The following TCF25 variants were observed in gnomAD, a reference collection of about 807,000 sequenced individuals.
TCF25 encodes TCF25 ribosome quality control complex subunit, also known as ribosome quality control complex subunit TCF25.
Under a neutral mutation model 83.1 loss-of-function variants are expected in TCF25, and 41 were observed. The observed-to-expected ratio is 0.49, with a 90% CI of 0.38 to 0.64. The LOEUF (loss-of-function observed/expected upper bound fraction) is 0.64, where lower values mean the gene tolerates loss of function less well. TCF25 is among the 30% of genes least tolerant of loss of function. TCF25 has a pLI of 0.00. For synonymous variants in TCF25, 458 were observed against 365.0 expected, an observed-to-expected ratio of 1.25 and a Z score of -2.90; for missense variants, 979 against 914.5, an observed-to-expected ratio of 1.07 and a Z score of -0.91.
At chr16:89,906,323 C>T (rs199836069) in intron 15 of TCF25, 39 bp downstream of exon 15, 286 of 1,594,796 alleles carry the variant, frequency 1.8e-4, no homozygotes, top group East Asian at 5.8e-4. Flanking sequence ...CTGTGTAAGC[C>T]GGTCACATGC....
In TCF25 at chr16:89,900,677, G is replaced by C; in HGVS notation, c.1264G>C (p.Val422Leu). 1 of 1,603,126 alleles carries C rather than the reference G, an allele frequency of 6.2e-7. No individual in the cohort carries two copies. The highest frequency in any genetic ancestry group is 1.1e-5 in the South Asian group (1 of 90,800). The change falls in exon 12 of 18, where the codon GTT becomes CTT. Residue 422 changes from valine (V) to leucine (L), a missense_variant. Val to Leu is a conservative substitution (Grantham distance 32, BLOSUM62 1). Transcript: ENST00000263346. ...LSQLPNFAFSVPLAYFLLSQQ... is the reference protein window; with the variant it reads ...LSQLPNFAFSLPLAYFLLSQQ... ...CCAGCTCCCTAATTTTGCCTTCTCT[G>C]TTCCACTGGCGTATTTCCTGCTGAG...
chr16:89,910,730 G>A (rs964488756), intron 17 of TCF25, 67 bp downstream of exon 17: 16 of 1,516,144 alleles, frequency 1.1e-5, no homozygotes, highest in Non-Finnish European at 1.5e-5. Flanking sequence ...CAGTGCGAAT[G>A]CCTGGAGCCT....
chr16:89,886,479 T>C (rs931050985), intron 4 of TCF25, among the ~76,000 whole-genome samples: 53 of 150,246 alleles, frequency 3.5e-4, no homozygotes, highest in Non-Finnish European at 1.5e-4. Flanking sequence ...ATTTAGGAAA[T>C]AGGCCGGGCC....
chr16:89,906,060 G>A, intron 14 of TCF25, 134 bp from the exon 15 acceptor site: 1 of 775,852 alleles, frequency 1.3e-6, no homozygotes, highest in Non-Finnish European at 2.1e-6. Context: ...AGAGTAAAGT[G>A]TACAGTTTTT....
At chr16:89,907,367 T>TCCCA (rs2044897193) in intron 16 of TCF25, 45 bp downstream of exon 16, 2 of 1,116,136 alleles carry the variant, frequency 1.8e-6, no homozygotes, top group Non-Finnish European at 2.4e-6. Context: ...CCCACCTCCC[T>TCCCA]CCTCCCAGTT....
intron 1 of TCF25, among the ~76,000 whole-genome samples, chr16:89,875,927 T>C (rs1186709860): frequency 6.8e-6 from 1 of 147,158 alleles, no homozygotes; most frequent in African/African-American, 2.5e-5. Flanking sequence ...TCCTCCTGCC[T>C]CAGCCTCCTG....
chr16:89,893,788 G>C lies in TCF25; in HGVS notation c.758G>C (p.Ser253Thr). The change falls in exon 7 of 18, where the codon AGT becomes ACT. Residue 253 changes from serine to threonine, a missense_variant. Coordinates refer to ENST00000263346, the MANE Select transcript of TCF25 (RefSeq NM_014972.3). ...KGLSFFAFEH[S>T]EEYQQAQHKF... ...CTCTCCTTCTTTGCGTTTGAGCACA[G>C]TGAGGAGTACCAGCAGGCTCAGCAC... The C allele has an allele frequency of 1.9e-6, 3 of 1,613,526 alleles. No individual in the cohort carries two copies. Among genetic ancestry groups the C allele is most frequent in the Non-Finnish European group, 1.7e-6 (2 of 1,179,798 alleles).
At chr16:89,884,397 C>G (rs1324990772) in intron 2 of TCF25, among the ~76,000 whole-genome samples, 185 bp from the exon 3 acceptor site, 1 of 151,964 alleles carries the variant, frequency 6.6e-6, no homozygotes, top group East Asian at 1.9e-4. Flanking sequence ...TAGCACAGCC[C>G]GAGGGGCTCG....
intron 1 of TCF25, among the ~76,000 whole-genome samples, chr16:89,877,572 GAAACTTCTACCTTA>G (rs1216369022): frequency 2.0e-5 from 3 of 152,262 alleles, no homozygotes; most frequent in African/African-American, 7.2e-5. Context: ...AAATTTACCT[GAAACTTCTACCTTA>G]AACTAGAAAA....
At chr16:89,892,475 CGCTCCAGGAGT>C (rs916120482) in intron 6 of TCF25, among the ~76,000 whole-genome samples, 200 bp downstream of exon 6, 2 of 152,088 alleles carry the variant, frequency 1.3e-5, no homozygotes, top group Non-Finnish European at 2.9e-5. Flanking sequence ...GCTCCAGGAG[CGCTCCAGGAGT>C]GTGCAGTGTG....
intron 6 of TCF25, among the ~76,000 whole-genome samples, chr16:89,892,512 A>C (rs2043512723): frequency 6.6e-6 from 1 of 152,156 alleles, no homozygotes; most frequent in Non-Finnish European, 1.5e-5. Flanking sequence ...GTTTGTTGCC[A>C]CACTGAGGGC....
At chr16:89,900,303 G>GCGCGGCGGTGGGCTGCTCTCC (rs2044219010) in intron 11 of TCF25, among the ~76,000 whole-genome samples, 2 of 131,718 alleles carry the variant, frequency 1.5e-5, no homozygotes, top group Non-Finnish European at 3.6e-5. Context: ...GGCTGCTCTC[G>GCGCGGCGGTGGGCTGCTCTCC]TCTGTAAATT....
chr16:89,907,320 G>A lies in TCF25; in HGVS notation c.1797G>A (p.Glu599=), dbSNP rs564890708. 70 of 1,546,162 alleles carry A rather than the reference G, an allele frequency of 4.5e-5. No homozygotes were observed. In the South Asian group the frequency reaches 7.8e-4, roughly 17 times the overall value. ...SDTIYSYVRP[E]RLSPISHGNT... ...CAATCTACTCCTACGTCAGGCCAGA[G>A]AGGTACCTCCCTCCTTCCAGTTCCC... Residue 599 remains glutamate (E), a splice_region_variant and synonymous_variant, in exon 16 of 18, where the codon GAG becomes GAA. Coordinates refer to ENST00000263346, the MANE Select transcript of TCF25 (RefSeq NM_014972.3).
chr16:89,905,605 G>T (rs1597377401), intron 14 of TCF25, among the ~76,000 whole-genome samples: 1 of 152,190 alleles, frequency 6.6e-6, no homozygotes, highest in East Asian at 1.9e-4. Context: ...GTGTGGCCAG[G>T]CTCAGGACCG....
At chr16:89,904,066 G>A in intron 12 of TCF25, 52 bp from the exon 13 acceptor site, 1 of 1,557,068 alleles carries the variant, frequency 6.4e-7, no homozygotes, top group South Asian at 1.2e-5. Flanking sequence ...GGGGCTAGGA[G>A]TGGCTGGGGT....
chr16:89,905,402 A>C (rs1486354588), intron 14 of TCF25, among the ~76,000 whole-genome samples: 1 of 152,200 alleles, frequency 6.6e-6, no homozygotes, highest in African/African-American at 2.4e-5. Context: ...CGAGTCTCTC[A>C]CAGCAGCATC....
intron 5 of TCF25, chr16:89,889,268 C>T (rs991485738): frequency 2.5e-5 from 10 of 394,552 alleles, no homozygotes; most frequent in Admixed American, 2.1e-4. Flanking sequence ...GTTTTGAACT[C>T]GTGGCCTCAA....
intron 11 of TCF25, among the ~76,000 whole-genome samples, chr16:89,899,929 G>T (rs956324174): frequency 6.6e-6 from 1 of 152,130 alleles, no homozygotes. Flanking sequence ...AATGAAAGTG[G>T]GTAAATTATT....
chr16:89,874,247 C>T (rs961569536), intron 1 of TCF25, among the ~76,000 whole-genome samples: 2 of 144,450 alleles, frequency 1.4e-5, no homozygotes, highest in East Asian at 2.1e-4. Flanking sequence ...ACGACGTGGG[C>T]GGGATTAAAT....
Sources: gnomAD v4.1 joint callset for allele counts (sites outside exome capture counted in the v4.1 genomes callset) on GRCh38, gnomAD v4.1.1 for gene constraint, MANE v1.5 for transcripts, NCBI Gene and HGNC (gene_info 2026-07-23, HGNC 2026-07-21) for gene names.